SLC14A2: variants seen among roughly 807,000 people sequenced by gnomAD.
SLC14A2 encodes the protein urea transporter 2.
Under a neutral mutation model 104.6 loss-of-function variants are expected in SLC14A2, and 91 were observed. The observed-to-expected ratio is 0.87, with a 90% CI of 0.73 to 1.04. The LOEUF (loss-of-function observed/expected upper bound fraction) is 1.04, where lower values mean the gene tolerates loss of function less well. SLC14A2 is among the 50% of genes least tolerant of loss of function. The pLI is 0.00. For synonymous variants in SLC14A2, 476 were observed against 466.4 expected (o/e 1.02, Z -0.27); for missense variants, 1,189 against 1,156.0 (o/e 1.03, Z -0.41).
chr18:45,505,209 C>T (rs2043263475), intron 2 of SLC14A2, among the ~76,000 whole-genome samples: 1 of 152,066 alleles, frequency 6.6e-6, no homozygotes, highest in African/African-American at 2.4e-5. Context: ...GTCCAGTGTG[C>T]ATCCAGTGTC....
At chr18:45,521,174 C>A (rs541940035) in intron 2 of SLC14A2, among the ~76,000 whole-genome samples, 1 of 152,346 alleles carries the variant, frequency 6.6e-6, no homozygotes, top group South Asian at 2.1e-4. Context: ...GAGGCTTTAA[C>A]CTGATAGGGA....
At chr18:45,418,973 G>T (rs1462155424) in intron 1 of SLC14A2, among the ~76,000 whole-genome samples, 2 of 152,158 alleles carry the variant, frequency 1.3e-5, no homozygotes, top group East Asian at 1.9e-4. Context: ...TTAGGAAAAT[G>T]CAATTGGTTA....
chr18:45,491,739 A>C (rs2043005284), intron 2 of SLC14A2, among the ~76,000 whole-genome samples: 1 of 152,198 alleles, frequency 6.6e-6, no homozygotes, highest in South Asian at 2.1e-4. Flanking sequence ...GACAGCTTTG[A>C]AAATTACTTG....
chr18:45,631,901 G>A (rs1415188171), intron 4 of SLC14A2, among the ~76,000 whole-genome samples: 3 of 152,180 alleles, frequency 2.0e-5, no homozygotes, highest in East Asian at 3.8e-4. Context: ...TTACAGGCAT[G>A]AGCCACTGAG....
At chr18:45,597,708 C>T (rs184153077) in intron 2 of SLC14A2, among the ~76,000 whole-genome samples, 5 of 152,194 alleles carry the variant, frequency 3.3e-5, no homozygotes, top group East Asian at 3.9e-4. Context: ...TTCAAAGGAA[C>T]GCTTAGGCTG....
chr18:45,492,030 C>T (rs1324478356), intron 2 of SLC14A2: 2 of 152,252 alleles, frequency 1.3e-5, no homozygotes, highest in African/African-American at 2.4e-5. Flanking sequence ...AGGACTCAAT[C>T]TCTTTCTACC....
chr18:45,491,087 A>G (rs1271876241), intron 2 of SLC14A2, among the ~76,000 whole-genome samples: 1 of 152,206 alleles, frequency 6.6e-6, no homozygotes, highest in African/African-American at 2.4e-5. Context: ...CCCTATGACA[A>G]CTAGTTTTAT....
rs191723749 is a variant in SLC14A2 at position 45,286,598 on chromosome 18, A to G, written c.-125+73407A>G. Among the ~76,000 whole-genome samples the G allele has an allele frequency of 3.1e-3, 474 of 152,214 alleles. 1 individual carries two copies. Among genetic ancestry groups the G allele is most frequent in the South Asian group, 1.0e-2 (48 of 4,812 alleles). ...TTGCCTTTTCTCATCTCATACTTCT[A>G]CCTCTAAGAAGCTGAGAAACTGAGG... On this transcript the variant is annotated intron_variant, in intron 1 of 20. Coordinates refer to the SLC14A2 transcript ENST00000586448.
intron 1 of SLC14A2, among the ~76,000 whole-genome samples, chr18:45,236,966 G>C (rs1047612405): frequency 1.3e-5 from 2 of 152,084 alleles, no homozygotes; most frequent in Non-Finnish European, 1.5e-5. Context: ...TGGAAGTCTT[G>C]GGGGAGAGCC....
At chr18:45,499,714 CA>C (rs1276902183) in intron 2 of SLC14A2, among the ~76,000 whole-genome samples, 1 of 152,130 alleles carries the variant, frequency 6.6e-6, no homozygotes, top group Non-Finnish European at 1.5e-5. Context: ...AGGGTGTCAA[CA>C]TTGGGTTTTA....
intron 1 of SLC14A2, among the ~76,000 whole-genome samples, chr18:45,367,460 A>G (rs761422131): frequency 2.0e-5 from 3 of 152,246 alleles, no homozygotes; most frequent in Non-Finnish European, 1.5e-5. Flanking sequence ...CAGTGCATGT[A>G]AAGAATCTCA....
chr18:45,484,618 T>G (rs1195273250), intron 2 of SLC14A2, among the ~76,000 whole-genome samples: 1 of 152,148 alleles, frequency 6.6e-6, no homozygotes, highest in African/African-American at 2.4e-5. Flanking sequence ...GTCCTAAAGA[T>G]TCTAGGTTTC....
intron 1 of SLC14A2, chr18:45,440,342 C>A (rs774585592): frequency 6.6e-6 from 1 of 152,162 alleles, no homozygotes; most frequent in Non-Finnish European, 1.5e-5. Flanking sequence ...TCTCCACTAC[C>A]CCCACCTCAG....
chr18:45,305,575 C>T (rs1246552167), intron 1 of SLC14A2, among the ~76,000 whole-genome samples: 1 of 152,206 alleles, frequency 6.6e-6, no homozygotes, highest in Non-Finnish European at 1.5e-5. Context: ...CTCCCCAGGT[C>T]TCCCTGACCC....
chr18:45,495,762 A>T (rs2043086135), intron 2 of SLC14A2, among the ~76,000 whole-genome samples: 1 of 152,192 alleles, frequency 6.6e-6, no homozygotes. Context: ...CCTTAAGAGA[A>T]GCCAGTTAAA....
intron 5 of SLC14A2, among the ~76,000 whole-genome samples, chr18:45,636,785 A>C (rs942868350): frequency 2.5e-4 from 35 of 140,772 alleles, no homozygotes; most frequent in Admixed American, 1.4e-4. Context: ...ATAAATTGGC[A>C]AAAAAAAAAG....
intron 1 of SLC14A2, among the ~76,000 whole-genome samples, chr18:45,261,374 T>C (rs1234194385): frequency 2.0e-5 from 3 of 151,990 alleles, no homozygotes; most frequent in Non-Finnish European, 2.9e-5. Context: ...TAGTATTCTA[T>C]GGTGTATATG....
intron 1 of SLC14A2, among the ~76,000 whole-genome samples, chr18:45,461,176 A>T (rs750526409): frequency 2.6e-5 from 4 of 152,140 alleles, no homozygotes; most frequent in Non-Finnish European, 5.9e-5. Context: ...TACTTTTCCC[A>T]ATACTGAAAA....
chr18:45,481,224 C>T (rs1229590235), intron 1 of SLC14A2, among the ~76,000 whole-genome samples: 1 of 152,026 alleles, frequency 6.6e-6, no homozygotes, highest in Admixed American at 6.6e-5. Flanking sequence ...TCTCTCCTCC[C>T]TCTTTGTGCC....
Sources: gnomAD v4.1 joint callset for allele counts (sites outside exome capture counted in the v4.1 genomes callset) on GRCh38, gnomAD v4.1.1 for gene constraint, MANE v1.5 for transcripts, NCBI Gene and HGNC (gene_info 2026-07-23, HGNC 2026-07-21) for gene names.